STRBP: variants seen among roughly 807,000 people sequenced by gnomAD.
STRBP encodes spermatid perinuclear RNA binding protein.
In STRBP, 13 loss-of-function variants were observed where a neutral mutation model predicts 80.1. That is an observed-to-expected ratio of 0.16 (90% confidence interval 0.11 to 0.26). The LOEUF (loss-of-function observed/expected upper bound fraction) is 0.26. Ranked by LOEUF, STRBP falls within the 10% of genes least tolerant of loss-of-function variation. The pLI is 1.00. For synonymous variants in STRBP, 284 were observed against 291.2 expected (o/e 0.98, Z 0.25); for missense variants, 485 against 815.2 (o/e 0.59, Z 4.93).
intron 8 of STRBP, 58 bp downstream of exon 8, chr9:123,160,309 A>G: frequency 7.8e-7 from 1 of 1,279,004 alleles, no homozygotes; most frequent in East Asian, 2.5e-5. Context: ...TCTCATTTCT[A>G]CAGGATTTTC....
At chr9:123,233,322 G>A (rs757877667) in intron 2 of STRBP, among the ~76,000 whole-genome samples, 3 of 152,058 alleles carry the variant, frequency 2.0e-5, no homozygotes, top group African/African-American at 4.8e-5. Context: ...CAATCCTCCC[G>A]CATCAGCTTC....
intron 2 of STRBP, among the ~76,000 whole-genome samples, chr9:123,209,893 A>C (rs1367260901): frequency 1.4e-4 from 22 of 152,208 alleles, no homozygotes; most frequent in Non-Finnish European, 1.6e-4. Flanking sequence ...ATATATAAAC[A>C]AGGTTCAGAG....
intron 2 of STRBP, among the ~76,000 whole-genome samples, chr9:123,203,317 G>A (rs2039393435): frequency 1.3e-5 from 2 of 151,380 alleles, no homozygotes. Flanking sequence ...TTGCATGCCA[G>A]CCTGGGTAAC....
In STRBP at chr9:123,115,579, T is replaced by C; in HGVS notation, c.*84+350A>G. 1 of 351,850 alleles carries C rather than the reference T, an allele frequency of 2.8e-6. No individual in the cohort carries two copies. The highest frequency in any genetic ancestry group is 5.7e-6 in the Non-Finnish European group (1 of 176,540). 21.8% of individuals were successfully genotyped at this position (351,850 alleles called of 1,614,324 possible). ...TGACATTTTCTCCAACTGCTCCTTC[T>C]CCCCCATCACAGAGCCTGGTAAGAA... On this transcript the variant is annotated intron_variant and NMD_transcript_variant, in intron 3 of 3. Transcript: ENST00000471564. The surrounding 1 kb of genome is among the most constrained non-coding windows in gnomAD (Gnocchi z 5.0).
At chr9:123,140,610 A>AAAAC (rs376973361) in intron 13 of STRBP, among the ~76,000 whole-genome samples, 2 of 152,046 alleles carry the variant, frequency 1.3e-5, no homozygotes, top group Non-Finnish European at 1.5e-5. Context: ...ACAAACAAAC[A>AAAAC]AAACAAACAA....
chr9:123,122,895 AAAGGGGTTAAGTACAG>A lies in STRBP; in HGVS notation c.*2686_*2701del. The A allele has an allele frequency of 1.0e-6, 1 of 985,566 alleles. No individual in the cohort carries two copies. Among genetic ancestry groups the A allele is most frequent in the Non-Finnish European group, 1.2e-6 (1 of 830,014 alleles). 61.1% of individuals were successfully genotyped at this position (985,566 alleles called of 1,614,324 possible). A position where few individuals can be genotyped will look rare whatever the true frequency, so the allele number is the denominator to read the frequency against. On this transcript the variant is annotated 3_prime_UTR_variant, in exon 19 of 19. Transcript: ENST00000348403. ...ACTCCCTGACAAGAAACTATGCTAA[AAAGGGGTTAAGTACAG>A]ATATTGCTAGGTTTCCAAAGGAAAA...
chr9:123,255,741 C>T (rs538468292), intron 1 of STRBP, among the ~76,000 whole-genome samples: 14 of 152,272 alleles, frequency 9.2e-5, no homozygotes, highest in African/African-American at 2.4e-4. Context: ...AATGAAGGCA[C>T]GAAAGCAACA....
intron 17 of STRBP, among the ~76,000 whole-genome samples, chr9:123,130,347 A>AATAACTT (rs2036082435): frequency 6.6e-6 from 1 of 152,260 alleles, no homozygotes; most frequent in Non-Finnish European, 1.5e-5. Context: ...TCGGCCATAA[A>AATAACTT]ATAACTTCAT....
At chr9:123,217,777 A>G (rs2039943503) in intron 2 of STRBP, among the ~76,000 whole-genome samples, 1 of 152,258 alleles carries the variant, frequency 6.6e-6, no homozygotes, top group Non-Finnish European at 1.5e-5. Context: ...CTTTACTGAC[A>G]ATATTTGAAG....
chr9:123,133,673 G>A (rs958932451), intron 16 of STRBP, among the ~76,000 whole-genome samples: 24 of 151,922 alleles, frequency 1.6e-4, no homozygotes, highest in Admixed American at 7.2e-4. Context: ...CCAAGTAACT[G>A]GAATTACAGG....
At chr9:123,154,709 T>C (rs1163721484) in intron 11 of STRBP, among the ~76,000 whole-genome samples, 2 of 152,158 alleles carry the variant, frequency 1.3e-5, no homozygotes, top group East Asian at 3.9e-4. Flanking sequence ...AACTAACCAG[T>C]GAATGTAGTA....
At chr9:123,221,564 T>G (rs2040069220) in intron 2 of STRBP, among the ~76,000 whole-genome samples, 1 of 152,236 alleles carries the variant, frequency 6.6e-6, no homozygotes, top group African/African-American at 2.4e-5. Context: ...ATAGTTAACG[T>G]TTTGCTACAT....
intron 2 of STRBP, among the ~76,000 whole-genome samples, chr9:123,194,066 T>C (rs975970808): frequency 6.6e-6 from 1 of 152,178 alleles, no homozygotes; most frequent in Non-Finnish European, 1.5e-5. Context: ...TATCCTGCCG[T>C]GTCCAAGATC....
intron 7 of STRBP, among the ~76,000 whole-genome samples, 193 bp downstream of exon 7, chr9:123,160,784 T>C (rs766417825): frequency 5.3e-5 from 8 of 152,228 alleles, no homozygotes; most frequent in Admixed American, 2.0e-4. Flanking sequence ...AAAAGAATTA[T>C]AATAAAACAT....
chr9:123,144,832 G>A (rs924274571), intron 13 of STRBP, among the ~76,000 whole-genome samples: 5 of 152,144 alleles, frequency 3.3e-5, no homozygotes, highest in Non-Finnish European at 4.4e-5. Context: ...ATAAACCTGA[G>A]ATGTTAGAGG....
rs1330610402 is a variant in STRBP, at chr9:123,204,953, A to AG, written c.-164-20656dup. Among the ~76,000 whole-genome samples the AG allele has an allele frequency of 4.1e-5, 6 of 146,824 alleles. 1 individual carries two copies. The South Asian group carries it at 1.1e-3, about 26-fold the overall frequency. ...AAAAAAAAAAAAAAGAAAGAAAGAA[A>AG]GGAAAAAAAAAAAAGAATTCAAATA... On this transcript the variant is annotated intron_variant, in intron 2 of 18. Coordinates refer to ENST00000348403, the MANE Select transcript of STRBP (RefSeq NM_018387.5).
intron 3 of STRBP, among the ~76,000 whole-genome samples, chr9:123,180,491 A>G (rs993739931): frequency 4.6e-5 from 7 of 152,204 alleles, no homozygotes; most frequent in Admixed American, 4.6e-4. Context: ...TATATTCTCA[A>G]TCAAAATCTC....
Position 123,132,836 on chromosome 9 carries a change from G to T in STRBP, c.1897+9C>A. The T allele has an allele frequency of 6.2e-7, 1 of 1,613,840 alleles. No homozygotes were observed. ...AAAGGGGGCCAATCTCTTGCAGTTT[G>T]TACTATACCTGGAGCTATGTAGCCA... On this transcript the variant is annotated intron_variant, in intron 17 of 18. Coordinates refer to ENST00000348403, the MANE Select transcript of STRBP (RefSeq NM_018387.5).
intron 8 of STRBP, among the ~76,000 whole-genome samples, 170 bp from the exon 9 acceptor site, chr9:123,159,377 G>A (rs929932305): frequency 3.3e-5 from 5 of 152,172 alleles, no homozygotes; most frequent in Non-Finnish European, 7.3e-5. Flanking sequence ...ACCCTGGGAA[G>A]AGTTTTTAAA....
Sources: gnomAD v4.1 joint callset for allele counts (sites outside exome capture counted in the v4.1 genomes callset) on GRCh38, gnomAD v4.1.1 for gene constraint, Gnocchi (gnomAD v3.1) non-coding constraint, MANE v1.5 for transcripts, NCBI Gene and HGNC (gene_info 2026-07-23, HGNC 2026-07-21) for gene names.